The following SDK1 variants were observed in gnomAD, a reference collection of about 807,000 sequenced individuals.
SDK1 encodes the protein protein sidekick-1.
A neutral mutation model predicts 245.5 loss-of-function variants in SDK1; 157 were observed. The ratio of observed to expected loss-of-function variants is 0.64; its 90% CI spans 0.56 to 0.73. SDK1 has a LOEUF of 0.73. Among genes scored for constraint, SDK1 ranks in the 30% least tolerant of loss-of-function variants. The pLI, the probability that SDK1 is intolerant of heterozygous loss-of-function variation, is 0.00. For synonymous variants in SDK1, 1,647 were observed against 1,278.5 expected (o/e 1.29, Z -6.15); for missense variants, 3,583 against 3,002.3 (o/e 1.19, Z -4.52).
At chr7:4,168,673 G>A (rs1465665786) in intron 32 of SDK1, among the ~76,000 whole-genome samples, 1 of 152,210 alleles carries the variant, frequency 6.6e-6, no homozygotes, top group Non-Finnish European at 1.5e-5. Flanking sequence ...GCTGGCTGAA[G>A]GCCTCTGCAG....
intron 5 of SDK1, among the ~76,000 whole-genome samples, chr7:3,831,332 G>A (rs1309499134): frequency 3.3e-5 from 5 of 152,156 alleles, no homozygotes; most frequent in African/African-American, 7.2e-5. Context: ...AGACTAAATG[G>A]TTCTACTCGT....
At chr7:3,841,760 A>G (rs1780164886) in intron 5 of SDK1, among the ~76,000 whole-genome samples, 1 of 151,970 alleles carries the variant, frequency 6.6e-6, no homozygotes, top group South Asian at 2.1e-4. Flanking sequence ...ATGGGGTTTC[A>G]CTATGTTGGT....
In SDK1 at chr7:3,834,289, C is replaced by T. The variant is rs1207466781; in HGVS notation, c.847+12706C>T. Among the ~76,000 whole-genome samples, 6 of 152,148 alleles carry T rather than the reference C, an allele frequency of 3.9e-5. No individual in the cohort carries two copies. In the East Asian group the frequency reaches 5.8e-4, roughly 15 times the overall value. On this transcript the variant is annotated intron_variant, in intron 5 of 44. Coordinates refer to ENST00000404826, the MANE Select transcript of SDK1 (RefSeq NM_152744.4). ...ACTTATCAGGCATTACGCTTGATGC[C>T]GAGGACACTTGGTGAATATGACATG...
chr7:3,800,961 G>A (rs960349832), intron 4 of SDK1, among the ~76,000 whole-genome samples: 11 of 152,152 alleles, frequency 7.2e-5, no homozygotes, highest in East Asian at 3.9e-4. Flanking sequence ...TTTTTTACAC[G>A]TTTTTACACC....
intron 1 of SDK1, among the ~76,000 whole-genome samples, chr7:3,451,490 G>A (rs970489725): frequency 3.3e-5 from 5 of 152,094 alleles, no homozygotes; most frequent in African/African-American, 9.7e-5. Context: ...CTTGCACTGA[G>A]GCCTCTGCAG....
chr7:4,186,718 G>T (rs558473097), intron 35 of SDK1, among the ~76,000 whole-genome samples: 1 of 152,274 alleles, frequency 6.6e-6, no homozygotes, highest in South Asian at 2.1e-4. Context: ...GAAGCCCCCA[G>T]CCCACCTCAC....
At chr7:3,828,610 G>T (rs1190975845) in intron 5 of SDK1, among the ~76,000 whole-genome samples, 2 of 145,298 alleles carry the variant, frequency 1.4e-5, no homozygotes, top group Non-Finnish European at 3.0e-5. Context: ...TTGCCCCCGA[G>T]TCATATGGTT....
intron 1 of SDK1, among the ~76,000 whole-genome samples, chr7:3,315,133 G>A (rs1011992983): frequency 4.6e-5 from 7 of 152,144 alleles, no homozygotes; most frequent in African/African-American, 1.7e-4. Flanking sequence ...CACATGAGAA[G>A]ACTACAATGT....
In SDK1 at chr7:4,029,214, CTTTT is replaced by C. The variant is rs532321663; in HGVS notation, c.2602+11874_2602+11877del. On this transcript the variant is annotated intron_variant, in intron 17 of 44. Coordinates refer to ENST00000404826, the MANE Select transcript of SDK1 (RefSeq NM_152744.4). ...CTTGATTTTCTTTCTTTTATTCTTTCTTTTTTTTTTTTTTTGTGAAGAAGTCTCA... is the reference window on the plus strand; with the variant it reads ...CTTGATTTTCTTTCTTTTATTCTTTCTTTTTTTTTTTGTGAAGAAGTCTCA... Among the ~76,000 whole-genome samples, 151 of 98,398 alleles carry C rather than the reference CTTTT, an allele frequency of 1.5e-3. 4 individuals carry two copies. Among genetic ancestry groups the C allele is most frequent in the Admixed American group, 3.2e-3 (35 of 11,032 alleles). 64.6% of individuals were successfully genotyped at this position (98,398 alleles called of 152,430 possible). A position where few individuals can be genotyped will look rare whatever the true frequency, so the allele number is the denominator to read the frequency against.
At chr7:3,876,290 G>T (rs1300032296) in intron 5 of SDK1, among the ~76,000 whole-genome samples, 1 of 152,176 alleles carries the variant, frequency 6.6e-6, no homozygotes, top group Non-Finnish European at 1.5e-5. Context: ...ATTTTCCCCA[G>T]TCTTCTTTGG....
At chr7:3,915,667 C>T (rs534230740) in intron 5 of SDK1, among the ~76,000 whole-genome samples, 6 of 152,056 alleles carry the variant, frequency 3.9e-5, no homozygotes, top group East Asian at 1.9e-4. Context: ...TTATTAGCAG[C>T]GTGAGAATGA....
intron 4 of SDK1, among the ~76,000 whole-genome samples, chr7:3,726,781 C>CA (rs1193883526): frequency 6.6e-6 from 1 of 152,158 alleles, no homozygotes; most frequent in Non-Finnish European, 1.5e-5. Context: ...GAAGGGTGTC[C>CA]AAACTTCCTG....
chr7:3,337,697 C>T (rs1217512944), intron 1 of SDK1, among the ~76,000 whole-genome samples: 1 of 152,182 alleles, frequency 6.6e-6, no homozygotes, highest in Non-Finnish European at 1.5e-5. Flanking sequence ...TGAGAGGAGC[C>T]TTCTCATCTG....
At chr7:4,173,416 G>T (rs1371929237) in intron 32 of SDK1, among the ~76,000 whole-genome samples, 1 of 152,196 alleles carries the variant, frequency 6.6e-6, no homozygotes, top group Non-Finnish European at 1.5e-5. Flanking sequence ...GGCAAGCCTT[G>T]CGCTGGGTCT....
intron 1 of SDK1, among the ~76,000 whole-genome samples, chr7:3,341,285 A>G (rs902619492): frequency 6.6e-6 from 1 of 152,192 alleles, no homozygotes; most frequent in African/African-American, 2.4e-5. Flanking sequence ...GACCTATAAA[A>G]AGCATCTGAC....
intron 4 of SDK1, among the ~76,000 whole-genome samples, chr7:3,780,712 G>C (rs945874652): frequency 1.3e-5 from 2 of 152,080 alleles, no homozygotes; most frequent in African/African-American, 2.4e-5. Flanking sequence ...CACCTAGCTA[G>C]AAAGCCCACC....
At chr7:3,641,894 T>C (rs1236100851) in intron 3 of SDK1, 64 bp from the exon 4 acceptor site, 1 of 1,369,740 alleles carries the variant, frequency 7.3e-7, no homozygotes, top group Non-Finnish European at 1.0e-6. Context: ...TGTTTCCATC[T>C]GTGACCCCTT....
chr7:3,548,701 G>GT (rs1184126339), intron 1 of SDK1, among the ~76,000 whole-genome samples: 1 of 152,130 alleles, frequency 6.6e-6, no homozygotes, highest in Non-Finnish European at 1.5e-5. Flanking sequence ...CTTTTGTCAT[G>GT]TTTAATATCC....
intron 35 of SDK1, among the ~76,000 whole-genome samples, chr7:4,204,030 C>T (rs1177397483): frequency 6.6e-6 from 1 of 152,200 alleles, no homozygotes; most frequent in Non-Finnish European, 1.5e-5. Context: ...TTCCTACAGG[C>T]GGATATCCAA....
Sources: gnomAD v4.1 joint callset for allele counts (sites outside exome capture counted in the v4.1 genomes callset) on GRCh38, gnomAD v4.1.1 for gene constraint, MANE v1.5 for transcripts, NCBI Gene and HGNC (gene_info 2026-07-23, HGNC 2026-07-21) for gene names.